KIAA0513: variants seen among roughly 807,000 people sequenced by gnomAD.
The protein encoded by KIAA0513 is uncharacterized protein KIAA0513.
Under a neutral mutation model 56.5 loss-of-function variants are expected in KIAA0513, and 39 were observed. The ratio of observed to expected loss-of-function variants is 0.69; its 90% CI spans 0.53 to 0.90. The LOEUF (loss-of-function observed/expected upper bound fraction) is 0.90. KIAA0513 is among the 40% of genes least tolerant of loss of function. KIAA0513 has a pLI of 0.00. For synonymous variants in KIAA0513, 268 were observed against 215.6 expected (o/e 1.24, Z -2.13); for missense variants, 591 against 535.2 (o/e 1.10, Z -1.03).
chr16:85,041,934 GT>G (rs1242392055), intron 1 of KIAA0513, among the ~76,000 whole-genome samples: 6 of 152,158 alleles, frequency 3.9e-5, no homozygotes, highest in African/African-American at 1.4e-4. Flanking sequence ...GATTCCGAGC[GT>G]TTGCCCCTAT....
At chr16:85,059,194 T>C (rs1487982441) in intron 1 of KIAA0513, among the ~76,000 whole-genome samples, 3 of 152,228 alleles carry the variant, frequency 2.0e-5, no homozygotes, top group South Asian at 4.1e-4. Context: ...TCAAAAGACA[T>C]GTAAACATGA....
rs766363888 is a variant in KIAA0513 at position 85,087,156 on chromosome 16, C to T, written c.1176C>T (p.Asn392=). ...TGAAGAAGCAGGCTGTGATTGGCAA[C>T]CTGGATGAAGGTGCGTCTGGGGGAG... ...DFLKKQAVIG[N]LDEEQYKLLS... is the part of the protein sequence containing the mutation. Residue 392 remains asparagine (N), a synonymous_variant, in exon 12 of 13, where the codon AAC becomes AAT. Transcript: ENST00000683363. The T allele has an allele frequency of 6.2e-7, 1 of 1,613,982 alleles. No homozygotes were observed. The highest frequency in any genetic ancestry group is 2.2e-5 in the East Asian group (1 of 44,878).
rs561560125 is a variant in KIAA0513, at chr16:85,062,977, A to G, written c.-172-3923A>G. On this transcript the variant is annotated intron_variant, in intron 1 of 12. Coordinates refer to ENST00000683363, the MANE Select transcript of KIAA0513 (RefSeq NM_001388359.1). ...CACACAGTCACTGCTGTGACATCTT[A>G]GATCTGTGAGCGAGCCCCAGACAGC... Among the ~76,000 whole-genome samples the G allele has an allele frequency of 4.6e-5, 7 of 152,204 alleles. No homozygotes were observed. The East Asian group carries it at 1.2e-3, about 25-fold the overall frequency.
At chr16:85,084,493 G>A (rs1345464869) in intron 10 of KIAA0513, among the ~76,000 whole-genome samples, 1 of 144,744 alleles carries the variant, frequency 6.9e-6, no homozygotes, top group East Asian at 2.1e-4. Flanking sequence ...GCAATGGTGC[G>A]ATCTCGGCTC....
In KIAA0513 at chr16:85,089,056, G is replaced by C. The variant is rs543868964; in HGVS notation, c.*731G>C. ...GAGTCACAGCAGTGCCGAGGTGTCCGCGGCAGACCACACAGACCGTCTGAA... is the reference window on the plus strand; with the variant it reads ...GAGTCACAGCAGTGCCGAGGTGTCCCCGGCAGACCACACAGACCGTCTGAA... On this transcript the variant is annotated 3_prime_UTR_variant, in exon 13 of 13. Transcript: ENST00000683363. The surrounding 1 kb of genome is among the most constrained non-coding windows in gnomAD (Gnocchi z 4.2). 1 of 152,284 alleles carries C rather than the reference G, an allele frequency of 6.6e-6. No homozygotes were observed. Among genetic ancestry groups the C allele is most frequent in the South Asian group, 2.1e-4 (1 of 4,836 alleles). The allele number at this position is 152,284 out of a possible 1,614,324, so 9.4% of individuals were successfully genotyped here.
chr16:85,075,694 A>G (rs1300207127), intron 4 of KIAA0513, 150 bp from the exon 5 acceptor site: 2 of 669,772 alleles, frequency 3.0e-6, no homozygotes, highest in Non-Finnish European at 5.4e-6. Flanking sequence ...TAGTTCTCCT[A>G]ATGGAACTTG....
At position 85,071,762 on chromosome 16, in the gene KIAA0513, GCT is replaced by G; in HGVS notation, c.330-18_330-17del. The G allele has an allele frequency of 7.2e-7, 1 of 1,396,558 alleles. No individual in the cohort carries two copies. Among genetic ancestry groups the G allele is most frequent in the Non-Finnish European group, 9.6e-7 (1 of 1,038,928 alleles). 86.5% of individuals were successfully genotyped at this position (1,396,558 alleles called of 1,614,324 possible). A position where few individuals can be genotyped will look rare whatever the true frequency, so the allele number is the denominator to read the frequency against. ...AAAGGGTTTTTTTTTTTTTTCCTCT[GCT>G]CTTTTTTTTTTTTTTTAGGGAGGAC... On this transcript the variant is annotated intron_variant, in intron 2 of 12. Coordinates refer to ENST00000683363, the MANE Select transcript of KIAA0513 (RefSeq NM_001388359.1).
chr16:85,086,758 G>GAGGGGGAGAGA, intron 11 of KIAA0513, 34 bp downstream of exon 11: 3 of 1,579,394 alleles, frequency 1.9e-6, no homozygotes, highest in Non-Finnish European at 2.6e-6. Flanking sequence ...GGAGGGGAGA[G>GAGGGGGAGAGA]GGGGGAGGGC....
intron 1 of KIAA0513, among the ~76,000 whole-genome samples, chr16:85,061,890 T>C (rs1259046572): frequency 6.6e-6 from 1 of 152,166 alleles, no homozygotes; most frequent in Non-Finnish European, 1.5e-5. Context: ...GTGGCCTCTT[T>C]TCCCATGAGC....
chr16:85,094,226 A>T (rs1339031002), downstream of KIAA0513: 1 of 152,254 alleles, frequency 6.6e-6, no homozygotes, highest in Non-Finnish European at 1.5e-5. Context: ...ACTTTAAAAA[A>T]AAAAGTCTGT....
chr16:85,065,308 G>T (rs753056056), intron 1 of KIAA0513, among the ~76,000 whole-genome samples: 3 of 152,206 alleles, frequency 2.0e-5, no homozygotes, highest in Non-Finnish European at 4.4e-5. Flanking sequence ...GCTGGCGAGG[G>T]GAGACCCCGA....
intron 1 of KIAA0513, among the ~76,000 whole-genome samples, chr16:85,062,472 C>T (rs889019643): frequency 1.3e-5 from 2 of 152,126 alleles, no homozygotes; most frequent in African/African-American, 2.4e-5. Flanking sequence ...GCTTCAGGCC[C>T]GCAGGCCAGC....
chr16:85,065,498 C>T (rs2073467198), intron 1 of KIAA0513, among the ~76,000 whole-genome samples: 1 of 152,176 alleles, frequency 6.6e-6, no homozygotes, highest in Non-Finnish European at 1.5e-5. Context: ...ACGCTGGTGA[C>T]CTGGAACCAG....
At chr16:85,087,288 C>T (rs531854883) in intron 12 of KIAA0513, 122 bp downstream of exon 12, 50 of 774,668 alleles carry the variant, frequency 6.5e-5, no homozygotes, top group Non-Finnish European at 1.3e-5. Flanking sequence ...AAACGTGGTG[C>T]TGAGCTCTCG....
chr16:85,041,467 A>G (rs906552848), intron 1 of KIAA0513, among the ~76,000 whole-genome samples: 14 of 152,042 alleles, frequency 9.2e-5, no homozygotes, highest in African/African-American at 3.1e-4. Flanking sequence ...TCTTCTCTGT[A>G]TGCGTCTCTC....
At chr16:85,054,425 T>C (rs1004388652) in intron 1 of KIAA0513, among the ~76,000 whole-genome samples, 6 of 142,810 alleles carry the variant, frequency 4.2e-5, no homozygotes, top group East Asian at 2.0e-4. Context: ...TCTTTTCTTT[T>C]TTTTTTTTTT....
intron 6 of KIAA0513, among the ~76,000 whole-genome samples, chr16:85,077,922 C>T (rs2073682913): frequency 6.6e-6 from 1 of 152,170 alleles, no homozygotes; most frequent in Admixed American, 6.5e-5. Flanking sequence ...CTCCTCTGTC[C>T]CCTCCATCCC....
intron 2 of KIAA0513, among the ~76,000 whole-genome samples, chr16:85,070,049 T>C (rs558983096): frequency 2.9e-4 from 44 of 150,904 alleles, no homozygotes; most frequent in African/African-American, 9.0e-4. Context: ...CATGTACCCA[T>C]AGTCCCAGCT....
chr16:85,078,948 G>A lies in KIAA0513; in HGVS notation c.847G>A (p.Glu283Lys), dbSNP rs769213296. 48 of 1,614,160 alleles carry A rather than the reference G, an allele frequency of 3.0e-5. No individual in the cohort carries two copies. In the South Asian group the frequency reaches 4.1e-4, roughly 14 times the overall value. The change falls in exon 8 of 13, where the codon GAA becomes AAA. Residue 283 changes from glutamate (E) to lysine (K), a missense_variant. Glu to Lys is a moderately conservative substitution (Grantham distance 56, BLOSUM62 1). Coordinates refer to ENST00000683363, the MANE Select transcript of KIAA0513 (RefSeq NM_001388359.1). ...AGTGACCGCGTACAGCCCCGAGGAC[G>A]AAAAGAAGGGGGAGAAGATCTACCT... ...RAVTAYSPED[E>K]KKGEKIYLYT...
Sources: gnomAD v4.1 joint callset for allele counts (sites outside exome capture counted in the v4.1 genomes callset) on GRCh38, gnomAD v4.1.1 for gene constraint, Gnocchi (gnomAD v3.1) non-coding constraint, MANE v1.5 for transcripts, NCBI Gene and HGNC (gene_info 2026-07-23, HGNC 2026-07-21) for gene names.